The following EEFSEC variants were observed in gnomAD, a reference collection of about 807,000 sequenced individuals.
EEFSEC encodes eukaryotic elongation factor, selenocysteine-tRNA specific.
EEFSEC carries 43 observed loss-of-function variants against 42.1 expected under a neutral mutation model. That is an observed-to-expected ratio of 1.02 (90% CI 0.80 to 1.32). The LOEUF (loss-of-function observed/expected upper bound fraction) is 1.32. Among genes scored for constraint, EEFSEC ranks in the 40% most tolerant of loss-of-function variants. EEFSEC has a pLI of 0.00. For missense variants in EEFSEC, 745 were observed against 803.6 expected (o/e 0.93, Z 0.88); for synonymous variants, 354 against 339.1 (o/e 1.04, Z -0.48).
rs189499838 is a variant in EEFSEC, at chr3:128,182,886, G to A, written c.316+29063G>A. On this transcript the variant is annotated intron_variant, in intron 1 of 6. Transcript: ENST00000254730. The stretch of plus-strand genomic sequence containing the variant: ...CCACCAGCCACAGAGATCGGGGCGG[G>A]GGGGTGGGGTGGTTGGTCTAGTAGT... Among the ~76,000 whole-genome samples, 2,967 of 149,680 alleles carry A rather than the reference G, an allele frequency of 0.02. 376 individuals carry two copies. In the East Asian group the frequency reaches 0.34, roughly 17 times the overall value.
At chr3:128,219,189 C>T (rs998754576) in intron 1 of EEFSEC, among the ~76,000 whole-genome samples, 1 of 152,238 alleles carries the variant, frequency 6.6e-6, no homozygotes, top group Admixed American at 6.5e-5. Context: ...CTGGCCCCAG[C>T]CACCTCATCT....
chr3:128,222,774 G>A (rs1422149224), intron 1 of EEFSEC, among the ~76,000 whole-genome samples: 1 of 152,224 alleles, frequency 6.6e-6, no homozygotes, highest in Non-Finnish European at 1.5e-5. Context: ...GTAAAGGAAG[G>A]AAGGGACAGG....
At chr3:128,178,520 T>G (rs1370124498) in intron 1 of EEFSEC, among the ~76,000 whole-genome samples, 1 of 152,210 alleles carries the variant, frequency 6.6e-6, no homozygotes, top group African/African-American at 2.4e-5. Context: ...AATTTCTAAA[T>G]GAAACTTCCT....
intron 4 of EEFSEC, among the ~76,000 whole-genome samples, chr3:128,290,847 G>A (rs576481567): frequency 2.0e-5 from 3 of 152,236 alleles, no homozygotes; most frequent in Non-Finnish European, 2.9e-5. Context: ...CCAGGTTTAA[G>A]CAATTCTCTT....
rs1234126641 is a variant in EEFSEC at position 128,153,679 on chromosome 3, G to T, written c.172G>T (p.Val58Leu). 1.9e-6 allele frequency: 3 copies of T among 1,594,778 alleles called. No homozygotes were observed. The highest frequency in any genetic ancestry group is 2.3e-5 in the East Asian group (1 of 44,412). ...CGATCTGGGCTTCTCGTGCTTCTCG[G>T]TGCCGCTGCCCGCGCGCCTGCGGTC... ...TLDLGFSCFS[V>L]PLPARLRSSL... The change falls in exon 1 of 7, where the codon GTG becomes TTG. Residue 58 changes from valine to leucine, a missense_variant. Val to Leu is a conservative substitution (Grantham distance 32). Transcript: ENST00000254730.
chr3:128,242,703 A>G (rs1449168097), intron 1 of EEFSEC, among the ~76,000 whole-genome samples: 1 of 152,200 alleles, frequency 6.6e-6, no homozygotes, highest in Non-Finnish European at 1.5e-5. Flanking sequence ...TATATAATTT[A>G]CAGAATTGGA....
Position 128,186,510 on chromosome 3 carries a change from C to T in EEFSEC, c.316+32687C>T, listed in dbSNP as rs369311871. ...GAAATAAGTGCTTAATCCAAGGTTACATAGATGCATACCTATGTTTTCTTC... is the reference window on the plus strand; with the variant it reads ...GAAATAAGTGCTTAATCCAAGGTTATATAGATGCATACCTATGTTTTCTTC... On this transcript the variant is annotated intron_variant, in intron 1 of 6. Coordinates refer to ENST00000254730, the MANE Select transcript of EEFSEC (RefSeq NM_021937.5). Among the ~76,000 whole-genome samples, 156 of 152,292 alleles carry T rather than the reference C, an allele frequency of 1.0e-3. 1 individual carries two copies. The highest frequency in any genetic ancestry group is 3.6e-3 in the African/African-American group (151 of 41,566).
At chr3:128,398,383 A>T (rs1252314411) in intron 6 of EEFSEC, among the ~76,000 whole-genome samples, 3 of 151,980 alleles carry the variant, frequency 2.0e-5, no homozygotes, top group Non-Finnish European at 4.4e-5. Flanking sequence ...TGGAAGAGGA[A>T]TGTGTGGTAA....
At chr3:128,329,245 G>A (rs1347860690) in intron 4 of EEFSEC, among the ~76,000 whole-genome samples, 2 of 152,292 alleles carry the variant, frequency 1.3e-5, no homozygotes, top group African/African-American at 2.4e-5. Flanking sequence ...CCTTGCTGAT[G>A]CTCTGGTGCC....
chr3:128,252,552 T>C (rs894595063), intron 2 of EEFSEC, among the ~76,000 whole-genome samples: 1 of 152,234 alleles, frequency 6.6e-6, no homozygotes, highest in Non-Finnish European at 1.5e-5. Context: ...TCCTTACAGT[T>C]TCCTAAGAGG....
At chr3:128,198,273 C>T (rs1283999269) in intron 1 of EEFSEC, among the ~76,000 whole-genome samples, 2 of 152,212 alleles carry the variant, frequency 1.3e-5, no homozygotes, top group Non-Finnish European at 2.9e-5. Context: ...TCCCCATTTT[C>T]AAATTTGGTA....
intron 4 of EEFSEC, among the ~76,000 whole-genome samples, chr3:128,318,418 C>G (rs776026632): frequency 2.0e-5 from 3 of 152,208 alleles, no homozygotes; most frequent in African/African-American, 7.2e-5. Flanking sequence ...GGTCTGCCAG[C>G]TGCCAGCAGG....
chr3:128,358,276 G>C lies in EEFSEC; in HGVS notation c.1503G>C (p.Gln501His), dbSNP rs201794598. 6.2e-7 allele frequency: 1 copy of C among 1,614,224 alleles called. No individual in the cohort carries two copies. Among genetic ancestry groups the C allele is most frequent in the Non-Finnish European group, 8.5e-7 (1 of 1,180,032 alleles). The change falls in exon 6 of 7, where the codon CAG (glutamine) becomes CAC (histidine). Residue 501 changes from glutamine to histidine, a missense_variant. By Grantham distance (24) the Gln-to-His change is conservative. Coordinates refer to ENST00000254730, the MANE Select transcript of EEFSEC (RefSeq NM_021937.5). ...RSLFKKETNI[Q>H]LFVGLKVHLS... Reference sequence around the variant, plus strand: ...TGTTCAAAAAGGAAACCAACATCCAGCTCTTCGTGGGGCTCAAGGTGCACT... The same window carrying C: ...TGTTCAAAAAGGAAACCAACATCCACCTCTTCGTGGGGCTCAAGGTGCACT...
At chr3:128,186,642 T>C (rs1253755277) in intron 1 of EEFSEC, among the ~76,000 whole-genome samples, 2 of 152,248 alleles carry the variant, frequency 1.3e-5, no homozygotes, top group African/African-American at 4.8e-5. Context: ...AGCTTGTGGA[T>C]ATCTGGTTGT....
intron 4 of EEFSEC, among the ~76,000 whole-genome samples, chr3:128,296,600 A>G (rs1030308657): frequency 3.3e-5 from 5 of 152,082 alleles, no homozygotes; most frequent in African/African-American, 1.2e-4. Context: ...GCACAGGGGT[A>G]TATCCATGTG....
intron 4 of EEFSEC, among the ~76,000 whole-genome samples, chr3:128,328,670 G>A (rs2067091643): frequency 6.6e-6 from 1 of 152,214 alleles, no homozygotes; most frequent in Non-Finnish European, 1.5e-5. Context: ...GGGCTTTTAT[G>A]CCATATTGGT....
intron 1 of EEFSEC, among the ~76,000 whole-genome samples, chr3:128,200,201 C>CAT (rs200161437): frequency 6.6e-6 from 1 of 152,202 alleles, no homozygotes; most frequent in African/African-American, 2.4e-5. Context: ...AGCTTTCACT[C>CAT]TGGATATATT....
In EEFSEC at chr3:128,245,347, C is replaced by T. The variant is rs1041489744; in HGVS notation, c.317-1489C>T. Among the ~76,000 whole-genome samples the T allele has an allele frequency of 3.3e-5, 5 of 152,288 alleles. No homozygotes were observed. The East Asian group carries it at 9.6e-4, about 29-fold the overall frequency. ...TGTTTTTAATAGTCTGTTCTGTTCA[C>T]GGTAGATGATAGAGTCAGTGTCCAT... On this transcript the variant is annotated intron_variant, in intron 1 of 6. Transcript: ENST00000254730.
rs1559892936 is a variant in EEFSEC at position 128,264,786 on chromosome 3, G to T, written c.786+5G>T. On this transcript the variant is annotated splice_donor_5th_base_variant and intron_variant, in intron 4 of 6. Coordinates refer to ENST00000254730, the MANE Select transcript of EEFSEC (RefSeq NM_021937.5). ...GTGGAGATCCCTGCCCTCAAGGTCA[G>T]TCTTACCTTGTCTTCCCTTCTGGCC... is the stretch of plus-strand genomic sequence containing the variant. 3 of 1,611,904 alleles carry T rather than the reference G, an allele frequency of 1.9e-6. No individual in the cohort carries two copies. The highest frequency in any genetic ancestry group is 2.5e-6 in the Non-Finnish European group (3 of 1,178,426).
Sources: allele counts gnomAD v4.1 joint callset (sites outside exome capture counted in the v4.1 genomes callset), GRCh38; gene constraint gnomAD v4.1.1; transcripts MANE v1.5; gene names NCBI Gene and HGNC (gene_info 2026-07-23, HGNC 2026-07-21).